The following RBM28 variants were observed in gnomAD, a reference collection of about 807,000 sequenced individuals.
The protein encoded by RBM28 is RNA binding motif protein 28.
In RBM28, 78 loss-of-function variants were observed where a neutral mutation model predicts 98.3. That is an observed-to-expected ratio of 0.79 (90% CI 0.66 to 0.96). The LOEUF (loss-of-function observed/expected upper bound fraction) is 0.96. RBM28 is among the 40% of genes least tolerant of loss of function. The pLI, the probability that RBM28 is intolerant of heterozygous loss-of-function variation, is 0.00. For missense variants in RBM28, 838 were observed against 913.0 expected (o/e 0.92, Z 1.06); for synonymous variants, 306 against 330.9 (o/e 0.92, Z 0.82).
Position 128,308,841 on chromosome 7 carries a change from G to T in RBM28, c.*1956C>A, listed in dbSNP as rs1795916245. 1 of 152,138 alleles carries T rather than the reference G, an allele frequency of 6.6e-6. No individual in the cohort carries two copies. The highest frequency in any genetic ancestry group is 2.4e-5 in the African/African-American group (1 of 41,380). The allele number at this position is 152,138 out of a possible 1,614,324, so 9.4% of individuals were successfully genotyped here. On this transcript the variant is annotated 3_prime_UTR_variant, in exon 19 of 19. Coordinates refer to ENST00000223073, the MANE Select transcript of RBM28 (RefSeq NM_018077.3). ...AAAAATACAAAAATTAGCCGGGCGT[G>T]GTGGCAGCACCTGTAATCCCCGCTA... is the stretch of plus-strand genomic sequence containing the variant.
At chr7:128,311,060 TAG>T in intron 18 of RBM28, 129 bp from the exon 19 acceptor site, 1 of 915,272 alleles carries the variant, frequency 1.1e-6, no homozygotes, top group South Asian at 1.4e-5. Flanking sequence ...GGTAGGTTTC[TAG>T]AGAGAGACTC....
intron 9 of RBM28, among the ~76,000 whole-genome samples, chr7:128,332,026 T>C (rs768467834): frequency 2.0e-5 from 3 of 152,248 alleles, no homozygotes; most frequent in Non-Finnish European, 4.4e-5. Context: ...TTAAAAGGTG[T>C]ATAAGGAATG....
rs1446427530 is a variant in RBM28, at chr7:128,308,155, T to C, written c.*2642A>G. 6.6e-6 allele frequency: 1 copy of C among 152,150 alleles called. No homozygotes were observed. Among genetic ancestry groups the C allele is most frequent in the East Asian group, 1.9e-4 (1 of 5,198 alleles). 9.4% of individuals were successfully genotyped at this position (152,150 alleles called of 1,614,324 possible). On this transcript the variant is annotated 3_prime_UTR_variant, in exon 19 of 19. Coordinates refer to ENST00000223073, the MANE Select transcript of RBM28 (RefSeq NM_018077.3). ...GACACCATATATAGAATTTGACTATTAAGAAAGGGAAGATTCAACCTCATA... is the reference window on the plus strand; with the variant it reads ...GACACCATATATAGAATTTGACTATCAAGAAAGGGAAGATTCAACCTCATA...
chr7:128,335,802 T>C (rs1425508759), intron 7 of RBM28, 45 bp downstream of exon 7: 1 of 1,613,948 alleles, frequency 6.2e-7, no homozygotes, highest in East Asian at 2.2e-5. Flanking sequence ...TCGGAGACAA[T>C]CTTGAATCTT....
intron 15 of RBM28, 112 bp from the exon 16 acceptor site, chr7:128,317,845 T>C: frequency 6.5e-7 from 1 of 1,544,132 alleles, no homozygotes. Flanking sequence ...TTTTGTCCAC[T>C]TGCCACTGTT....
chr7:128,309,942 A>G lies in RBM28; in HGVS notation c.*855T>C, dbSNP rs1795945411. The G allele has an allele frequency of 6.6e-6, 1 of 152,128 alleles. No homozygotes were observed. Among genetic ancestry groups the G allele is most frequent in the Non-Finnish European group, 1.5e-5 (1 of 68,010 alleles). 9.4% of individuals were successfully genotyped at this position (152,128 alleles called of 1,614,324 possible). ...GTGATAGGGCTGAAGAGCCCAGGGA[A>G]TCAAATGTTATAGGAAGACAAGATT... On this transcript the variant is annotated 3_prime_UTR_variant, in exon 19 of 19. Transcript: ENST00000223073.
chr7:128,337,127 T>A lies in RBM28; in HGVS notation c.613+4A>T, dbSNP rs1184520993. ...CCTACTCACCCAACACTACCACATC[T>A]TACCTATAGCAGAAACAGACTGTGT... On this transcript the variant is annotated splice_donor_region_variant and intron_variant, in intron 6 of 18. Coordinates refer to ENST00000223073, the MANE Select transcript of RBM28 (RefSeq NM_018077.3). 1 of 1,613,808 alleles carries A rather than the reference T, an allele frequency of 6.2e-7. No individual in the cohort carries two copies. The highest frequency in any genetic ancestry group is 1.3e-5 in the African/African-American group (1 of 74,896).
rs1353835154 is a variant in RBM28 at position 128,310,395 on chromosome 7, C to T, written c.*402G>A. On this transcript the variant is annotated 3_prime_UTR_variant, in exon 19 of 19. Coordinates refer to ENST00000223073, the MANE Select transcript of RBM28 (RefSeq NM_018077.3). ...AAGGAGTCACACATATTAGAAATGACGTTGTTACTAAAAAGCCACACAATA... is the reference window on the plus strand; with the variant it reads ...AAGGAGTCACACATATTAGAAATGATGTTGTTACTAAAAAGCCACACAATA... 8 of 280,710 alleles carry T rather than the reference C, an allele frequency of 2.8e-5. No individual in the cohort carries two copies. The highest frequency in any genetic ancestry group is 4.5e-5 in the African/African-American group (2 of 44,936). The allele number at this position is 280,710 out of a possible 1,614,324, so 17.4% of individuals were successfully genotyped here. A position where few individuals can be genotyped will look rare whatever the true frequency, so the allele number is the denominator to read the frequency against.
intron 8 of RBM28, 58 bp from the exon 9 acceptor site, chr7:128,333,420 G>T: frequency 1.5e-6 from 2 of 1,369,912 alleles, no homozygotes; most frequent in South Asian, 2.4e-5. Context: ...ACATGACAAA[G>T]AGCTAACTTC....
chr7:128,312,447 C>T (rs889271087), intron 18 of RBM28, among the ~76,000 whole-genome samples: 12 of 151,970 alleles, frequency 7.9e-5, no homozygotes, highest in Non-Finnish European at 5.9e-5. Flanking sequence ...GCTACCAGAC[C>T]GAACTAACTA....
chr7:128,325,692 A>C (rs1796333922), intron 11 of RBM28, 126 bp downstream of exon 11: 2 of 722,326 alleles, frequency 2.8e-6, no homozygotes, highest in African/African-American at 1.8e-5. Flanking sequence ...CAAAGTGCTA[A>C]ATAAGTGTTA....
At position 128,318,740 on chromosome 7, in the gene RBM28, C is replaced by A. The variant is rs115352252; in HGVS notation, c.1564-634G>T. On this transcript the variant is annotated intron_variant, in intron 14 of 18. Coordinates refer to ENST00000223073, the MANE Select transcript of RBM28 (RefSeq NM_018077.3). The stretch of plus-strand genomic sequence containing the variant: ...TTAAAAAACAAACACAATACAAACA[C>A]AACTGTTTGCGATACATACAAATTG... 6.6e-3 allele frequency among the ~76,000 whole-genome samples: 997 copies of A among 152,154 alleles called. 7 individuals are homozygous for A. The highest frequency in any genetic ancestry group is 0.023 in the African/African-American group (957 of 41,504).
At chr7:128,342,474 G>A (rs1458079948) in intron 1 of RBM28, among the ~76,000 whole-genome samples, 1 of 152,036 alleles carries the variant, frequency 6.6e-6, no homozygotes, top group East Asian at 1.9e-4. Flanking sequence ...CTGAGGTCTC[G>A]AGTTCCAGAC....
intron 13 of RBM28, 136 bp from the exon 14 acceptor site, chr7:128,321,560 G>T: frequency 1.9e-6 from 2 of 1,075,462 alleles, no homozygotes; most frequent in Non-Finnish European, 2.8e-6. Flanking sequence ...TGCCCACACC[G>T]CAGCTTTACA....
intron 14 of RBM28, among the ~76,000 whole-genome samples, chr7:128,318,556 T>C (rs1243606584): frequency 1.3e-5 from 2 of 152,032 alleles, no homozygotes; most frequent in African/African-American, 4.8e-5. Context: ...GGAATAACAC[T>C]TATGTGTGTC....
Position 128,343,891 on chromosome 7 carries a change from C to G in RBM28, c.-98G>C. The G allele has an allele frequency of 1.3e-6, 1 of 769,748 alleles. No individual in the cohort carries two copies. Among genetic ancestry groups the G allele is most frequent in the Non-Finnish European group, 2.0e-6 (1 of 492,692 alleles). 47.7% of individuals were successfully genotyped at this position (769,748 alleles called of 1,614,324 possible). ...TTGGTAGGACAACCAAGCTCACACG[C>G]CGAGAGATTCCGGAAGTGCTCGTTG... is the stretch of plus-strand genomic sequence containing the variant. On this transcript the variant is annotated 5_prime_UTR_variant, in exon 1 of 19. Coordinates refer to ENST00000223073, the MANE Select transcript of RBM28 (RefSeq NM_018077.3).
intron 13 of RBM28, among the ~76,000 whole-genome samples, chr7:128,322,017 C>T (rs377026398): frequency 1.1e-3 from 160 of 147,426 alleles, no homozygotes; most frequent in African/African-American, 3.8e-3. Context: ...CATTGCACTC[C>T]AGCCTGGGCA....
rs112793149 is a variant in RBM28 at position 128,298,133 on chromosome 7, T to TA, written c.*12663dup. ...CACATGTACCCTAAAACTTAAATAA[T>TA]AAAAAAAAAAGACAATACGCGCACA... is the stretch of plus-strand genomic sequence containing the variant. On this transcript the variant is annotated 3_prime_UTR_variant, in exon 19 of 19. Transcript: ENST00000223073. The TA allele has an allele frequency of 1.1e-3, 170 of 148,616 alleles. No homozygotes were observed. Among genetic ancestry groups the TA allele is most frequent in the Middle Eastern group, 0.01 (3 of 290 alleles). The allele number at this position is 148,616 out of a possible 1,614,324, so 9.2% of individuals were successfully genotyped here.
chr7:128,333,526 T>C (rs556998120), intron 8 of RBM28, among the ~76,000 whole-genome samples, 164 bp from the exon 9 acceptor site: 3 of 152,324 alleles, frequency 2.0e-5, no homozygotes, highest in Admixed American at 2.0e-4. Flanking sequence ...GAGACCAGCC[T>C]GGCCAACATG....
Sources: allele counts gnomAD v4.1 joint callset (sites outside exome capture counted in the v4.1 genomes callset), GRCh38; gene constraint gnomAD v4.1.1; transcripts MANE v1.5; gene names NCBI Gene and HGNC (gene_info 2026-07-23, HGNC 2026-07-21).